The following AGAP1 variants were observed in gnomAD, a reference collection of about 807,000 sequenced individuals.
AGAP1 encodes the protein arf-GAP with GTPase, ANK repeat and PH domain-containing protein 1.
Under a neutral mutation model 105.3 loss-of-function variants are expected in AGAP1, and 29 were observed. The observed-to-expected ratio is 0.28, with a 90% CI of 0.21 to 0.38. AGAP1 has a LOEUF of 0.38. Ranked by LOEUF, AGAP1 falls within the 10% of genes least tolerant of loss-of-function variation. AGAP1 has a pLI of 1.00. For synonymous variants in AGAP1, 509 were observed against 485.9 expected (o/e 1.05, Z -0.63); for missense variants, 998 against 1,165.1 (o/e 0.86, Z 2.09).
chr2:235,723,149 T>G lies in AGAP1; in HGVS notation c.310+5505T>G, dbSNP rs1013389727. On this transcript the variant is annotated intron_variant, in intron 3 of 17. Coordinates refer to ENST00000304032, the MANE Select transcript of AGAP1 (RefSeq NM_001037131.3). This position sits in a 1 kb window ranked among gnomAD's most constrained non-coding sequence, Gnocchi z 6.2. The stretch of plus-strand genomic sequence containing the variant: ...CGGCTGGCAGTGACCTTCACACCTC[T>G]GAGGACAATTTCACAGCTGCCGTTC... Among the ~76,000 whole-genome samples, 4 of 152,206 alleles carry G rather than the reference T, an allele frequency of 2.6e-5. No individual in the cohort carries two copies. Among genetic ancestry groups the G allele is most frequent in the African/African-American group, 9.6e-5 (4 of 41,454 alleles).
rs546283087 is a variant in AGAP1 at position 235,837,913 on chromosome 2, T to C, written c.1050+30582T>C. Among the ~76,000 whole-genome samples, 21 of 152,202 alleles carry C rather than the reference T, an allele frequency of 1.4e-4. No individual in the cohort carries two copies. The East Asian group carries it at 4.1e-3, about 29-fold the overall frequency. On this transcript the variant is annotated intron_variant, in intron 9 of 17. Transcript: ENST00000304032. Reference sequence around the variant, plus strand: ...GAGGGAATGTCAGAGCCGGGGGTGGTGGCTCACACCTGTAGTCCCAGCACT... The same window carrying C: ...GAGGGAATGTCAGAGCCGGGGGTGGCGGCTCACACCTGTAGTCCCAGCACT...
chr2:235,755,285 T>G (rs1018218076), intron 6 of AGAP1, among the ~76,000 whole-genome samples: 1 of 152,226 alleles, frequency 6.6e-6, no homozygotes, highest in Non-Finnish European at 1.5e-5. Context: ...TTTTTCTATT[T>G]TTAAAGTTAA....
rs945595773 is a variant in AGAP1, at chr2:235,959,653, A to G, written c.1484-8809A>G. Among the ~76,000 whole-genome samples, 59 of 151,780 alleles carry G rather than the reference A, an allele frequency of 3.9e-4. No homozygotes were observed. The highest frequency in any genetic ancestry group is 1.4e-3 in the African/African-American group (59 of 41,396). ...CTGTCTCCTGCCACGGCCCCCCTCA[A>G]TTCACATCCTAATTCACCCCGCCAT... On this transcript the variant is annotated intron_variant, in intron 12 of 17. Coordinates refer to ENST00000304032, the MANE Select transcript of AGAP1 (RefSeq NM_001037131.3). The surrounding 1 kb of genome is among the most constrained non-coding windows in gnomAD (Gnocchi z 7.3).
chr2:235,948,929 G>T (rs2053613803), intron 12 of AGAP1, among the ~76,000 whole-genome samples: 1 of 152,216 alleles, frequency 6.6e-6, no homozygotes, highest in Admixed American at 6.5e-5. Context: ...CAGCATTCCA[G>T]TGTTATCTGG....
chr2:235,859,402 C>CG lies in AGAP1; in HGVS notation c.1051-23943_1051-23942insG, dbSNP rs528900538. Among the ~76,000 whole-genome samples the CG allele has an allele frequency of 2.4e-3, 229 of 95,656 alleles. 9 individuals carry two copies. The East Asian group carries it at 0.037, about 15-fold the overall frequency. 62.8% of individuals were successfully genotyped at this position (95,656 alleles called of 152,430 possible). The stretch of plus-strand genomic sequence containing the variant: ...CTCTCCCCCCACAACCTCCCCCCCC[C>CG]CCCCCGCCTTTTGTTCCATCCCCTT... On this transcript the variant is annotated intron_variant, in intron 9 of 17. Coordinates refer to ENST00000304032, the MANE Select transcript of AGAP1 (RefSeq NM_001037131.3).
Position 236,051,333 on chromosome 2 carries a change from C to T in AGAP1, c.2114+2052C>T, listed in dbSNP as rs943579907. Among the ~76,000 whole-genome samples, 7 of 152,188 alleles carry T rather than the reference C, an allele frequency of 4.6e-5. No individual in the cohort carries two copies. Among genetic ancestry groups the T allele is most frequent in the Admixed American group, 1.3e-4 (2 of 15,278 alleles). ...TGCACACTTTCTCGTAGAAAAGCAA[C>T]GGTGAGTGATGATTGCAGTTCCCTG... On this transcript the variant is annotated intron_variant, in intron 16 of 17. Coordinates refer to ENST00000304032, the MANE Select transcript of AGAP1 (RefSeq NM_001037131.3). The surrounding 1 kb of genome is among the most constrained non-coding windows in gnomAD (Gnocchi z 5.9).
At chr2:235,773,679 T>C (rs1423693729) in intron 6 of AGAP1, among the ~76,000 whole-genome samples, 1 of 152,176 alleles carries the variant, frequency 6.6e-6, no homozygotes, top group Non-Finnish European at 1.5e-5. Flanking sequence ...TAGCGCCAGT[T>C]CATTCATTAG....
intron 6 of AGAP1, among the ~76,000 whole-genome samples, chr2:235,756,214 C>G (rs1013044407): frequency 6.6e-6 from 1 of 152,208 alleles, no homozygotes; most frequent in Non-Finnish European, 1.5e-5. Context: ...TCGGAGCTTT[C>G]TCTGCTGCGG....
intron 1 of AGAP1, among the ~76,000 whole-genome samples, chr2:235,598,208 A>C (rs573999873): frequency 1.3e-4 from 19 of 151,882 alleles, no homozygotes; most frequent in Non-Finnish European, 1.9e-4. Flanking sequence ...AGTCTGAGTG[A>C]GTTTGGGCAT....
At chr2:236,059,153 C>T (rs966573819) in intron 16 of AGAP1, among the ~76,000 whole-genome samples, 1 of 150,160 alleles carries the variant, frequency 6.7e-6, no homozygotes, top group African/African-American at 2.5e-5. Flanking sequence ...ATAACAAGAC[C>T]GTATCTTTAA....
chr2:235,538,691 G>T (rs1302180954), intron 1 of AGAP1, among the ~76,000 whole-genome samples: 1 of 151,996 alleles, frequency 6.6e-6, no homozygotes, highest in Non-Finnish European at 1.5e-5. Context: ...ATCTTGTAGA[G>T]CCTCCCGTTC....
At chr2:235,567,937 A>G (rs558231264) in intron 1 of AGAP1, among the ~76,000 whole-genome samples, 1 of 152,286 alleles carries the variant, frequency 6.6e-6, no homozygotes, top group Admixed American at 6.5e-5. Context: ...GCACTGGCGC[A>G]GAACTGAGAC....
At position 235,741,051 on chromosome 2, in the gene AGAP1, G is replaced by A. The variant is rs59103347; in HGVS notation, c.396+3G>A. 6.2e-7 allele frequency: 1 copy of A among 1,613,356 alleles called. No homozygotes were observed. Among genetic ancestry groups the A allele is most frequent in the Non-Finnish European group, 8.5e-7 (1 of 1,179,460 alleles). The stretch of plus-strand genomic sequence containing the variant: ...AAGGGGGCCCCCCGGAGGCGCAGGT[G>A]AGTATACATGCATGCCCCAAGCCTG... On this transcript the variant is annotated splice_donor_region_variant and intron_variant, in intron 4 of 17. Transcript: ENST00000304032. This position sits in a 1 kb window ranked among gnomAD's most constrained non-coding sequence, Gnocchi z 4.9.
At position 236,119,761 on chromosome 2, in the gene AGAP1, G is replaced by A. The variant is rs769520495; in HGVS notation, c.2115-431G>A. ...AGGGTGGTTTCCCCTGTGCATCGGT[G>A]TGTGAGAGCCACTGATCCAAGGCCA... is the stretch of plus-strand genomic sequence containing the variant. On this transcript the variant is annotated intron_variant, in intron 16 of 17. Coordinates refer to ENST00000304032, the MANE Select transcript of AGAP1 (RefSeq NM_001037131.3). This position sits in a 1 kb window ranked among gnomAD's most constrained non-coding sequence, Gnocchi z 6.6. Among the ~76,000 whole-genome samples, 1 of 152,124 alleles carries A rather than the reference G, an allele frequency of 6.6e-6. No homozygotes were observed. Among genetic ancestry groups the A allele is most frequent in the Non-Finnish European group, 1.5e-5 (1 of 68,022 alleles).
At position 235,971,671 on chromosome 2, in the gene AGAP1, CAG is replaced by C. The variant is rs1452351810; in HGVS notation, c.1645+3051_1645+3052del. 1.3e-5 allele frequency among the ~76,000 whole-genome samples: 2 copies of C among 148,258 alleles called. No individual in the cohort carries two copies. The highest frequency in any genetic ancestry group is 5.0e-5 in the African/African-American group (2 of 40,018). ...CGCCACTGCGCTCCAGCCTGGGCGACAGAGTGAGACTCCGTCTCAAAAAAAAA... is the reference window on the plus strand; with the variant it reads ...CGCCACTGCGCTCCAGCCTGGGCGACAGTGAGACTCCGTCTCAAAAAAAAA... On this transcript the variant is annotated intron_variant, in intron 13 of 17. Coordinates refer to ENST00000304032, the MANE Select transcript of AGAP1 (RefSeq NM_001037131.3). The surrounding 1 kb of genome is among the most constrained non-coding windows in gnomAD (Gnocchi z 4.8).
At position 235,723,078 on chromosome 2, in the gene AGAP1, G is replaced by A. The variant is rs567532435; in HGVS notation, c.310+5434G>A. On this transcript the variant is annotated intron_variant, in intron 3 of 17. Coordinates refer to ENST00000304032, the MANE Select transcript of AGAP1 (RefSeq NM_001037131.3). The surrounding 1 kb of genome is among the most constrained non-coding windows in gnomAD (Gnocchi z 6.2). ...TGGTGGTCATGGTTCTGCCAGTGAT[G>A]CTTTTGCAAGCTCTGCTGGTGTTCT... 3.9e-5 allele frequency among the ~76,000 whole-genome samples: 6 copies of A among 152,278 alleles called. No individual in the cohort carries two copies. The highest frequency in any genetic ancestry group is 1.4e-4 in the African/African-American group (6 of 41,542).
intron 5 of AGAP1, among the ~76,000 whole-genome samples, chr2:235,749,070 ATGG>A (rs1953206602): frequency 6.6e-6 from 1 of 152,152 alleles, no homozygotes; most frequent in African/African-American, 2.4e-5. Context: ...TTAGCTGGGC[ATGG>A]TGGTGAGTAC....
intron 6 of AGAP1, among the ~76,000 whole-genome samples, chr2:235,762,732 G>A (rs904160148): frequency 1.3e-5 from 2 of 152,134 alleles, no homozygotes; most frequent in Admixed American, 1.3e-4. Flanking sequence ...ACTTAGCTGA[G>A]CATAGTGGTG....
At chr2:235,498,623 A>G (rs544317971) in intron 1 of AGAP1, among the ~76,000 whole-genome samples, 1 of 152,350 alleles carries the variant, frequency 6.6e-6, no homozygotes, top group Non-Finnish European at 1.5e-5. Flanking sequence ...TCTTTCAAGG[A>G]TAAAGCCTCT....
Sources: gnomAD v4.1 joint callset for allele counts (sites outside exome capture counted in the v4.1 genomes callset) on GRCh38, gnomAD v4.1.1 for gene constraint, Gnocchi (gnomAD v3.1) non-coding constraint, MANE v1.5 for transcripts, NCBI Gene and HGNC (gene_info 2026-07-23, HGNC 2026-07-21) for gene names.